The following FARSB variants were observed in gnomAD, a reference collection of about 807,000 sequenced individuals.
FARSB encodes phenylalanyl-tRNA synthetase subunit beta.
In FARSB, 40 loss-of-function variants were observed where a neutral mutation model predicts 69.6. The observed-to-expected ratio is 0.57, with a 90% CI of 0.45 to 0.75. The LOEUF (loss-of-function observed/expected upper bound fraction) is 0.75, where lower values mean the gene tolerates loss of function less well. Ranked by LOEUF, FARSB falls within the 30% of genes least tolerant of loss-of-function variation. The pLI, the probability that FARSB is intolerant of heterozygous loss-of-function variation, is 0.00. For synonymous variants in FARSB, 235 were observed against 247.2 expected, an observed-to-expected ratio of 0.95 and a Z score of 0.46; for missense variants, 632 against 722.9, an observed-to-expected ratio of 0.87 and a Z score of 1.44.
intron 2 of FARSB, among the ~76,000 whole-genome samples, chr2:222,644,026 T>C (rs1376824728): frequency 6.6e-6 from 1 of 152,242 alleles, no homozygotes; most frequent in Non-Finnish European, 1.5e-5. Flanking sequence ...AAACTCCACT[T>C]AACCAGAATT....
Position 222,656,066 on chromosome 2 carries a change from G to T in FARSB, c.8C>A (p.Thr3Asn). 6.3e-7 allele frequency: 1 copy of T among 1,596,534 alleles called. No homozygotes were observed. Residue 3 changes from threonine (T) to asparagine (N), a missense_variant, in exon 1 of 17, where the codon ACT becomes AAT. Coordinates refer to ENST00000281828, the MANE Select transcript of FARSB (RefSeq NM_005687.5). MPTVSVKRDLLFQ... is the reference protein window; with the variant it reads MPNVSVKRDLLFQ... ...GAGCAGATCACGCTTCACGCTGACAGTCGGCATGGTGTGTCGAACTCACTG... is the reference window on the plus strand; with the variant it reads ...GAGCAGATCACGCTTCACGCTGACATTCGGCATGGTGTGTCGAACTCACTG...
intron 16 of FARSB, among the ~76,000 whole-genome samples, chr2:222,596,331 G>C (rs1460450484): frequency 1.3e-5 from 2 of 152,164 alleles, no homozygotes; most frequent in African/African-American, 4.8e-5. Context: ...CACGGAGCCA[G>C]GTTTCTCAAA....
intron 16 of FARSB, among the ~76,000 whole-genome samples, chr2:222,581,430 G>A (rs1015173940): frequency 1.2e-4 from 18 of 152,106 alleles, no homozygotes; most frequent in African/African-American, 4.1e-4. Flanking sequence ...CATCCCCACT[G>A]CCCCAAAAGT....
chr2:222,630,197 T>G (rs370583223), intron 8 of FARSB, 23 bp from the exon 9 acceptor site: 380 of 1,176,846 alleles, frequency 3.2e-4, no homozygotes, highest in Non-Finnish European at 4.5e-4. Flanking sequence ...GAAAAACAAA[T>G]ATAGTAATCT....
chr2:222,593,167 G>A (rs1290096440), intron 16 of FARSB, among the ~76,000 whole-genome samples: 2 of 152,116 alleles, frequency 1.3e-5, no homozygotes, highest in Admixed American at 6.5e-5. Context: ...TTTTCCACAG[G>A]GGCGGAACTG....
Position 222,570,711 on chromosome 2 carries a change from T to C in FARSB, c.*1160A>G, listed in dbSNP as rs1219825839. 1 of 151,966 alleles carries C rather than the reference T, an allele frequency of 6.6e-6. No individual in the cohort carries two copies. Among genetic ancestry groups the C allele is most frequent in the Admixed American group, 6.6e-5 (1 of 15,238 alleles). 9.4% of individuals were successfully genotyped at this position (151,966 alleles called of 1,614,324 possible). On this transcript the variant is annotated 3_prime_UTR_variant, in exon 17 of 17. Coordinates refer to ENST00000281828, the MANE Select transcript of FARSB (RefSeq NM_005687.5). ...CTAATTTTTATATTTTTAGTGGAGA[T>C]GGCATTTCACCATGTTGGTCAGGCT...
In FARSB at chr2:222,571,820, G is replaced by A; in HGVS notation, c.*51C>T. On this transcript the variant is annotated 3_prime_UTR_variant, in exon 17 of 17. Transcript: ENST00000281828. ...GTGGAGGAGGACTTAAGGACACTAG[G>A]GGAGGAGAAAGGGACACCTGGGAAG... The A allele has an allele frequency of 6.6e-7, 1 of 1,515,862 alleles. No individual in the cohort carries two copies. Among genetic ancestry groups the A allele is most frequent in the Non-Finnish European group, 9.0e-7 (1 of 1,105,666 alleles). 93.9% of individuals were successfully genotyped at this position (1,515,862 alleles called of 1,614,324 possible). A position where few individuals can be genotyped will look rare whatever the true frequency, so the allele number is the denominator to read the frequency against.
intron 15 of FARSB, among the ~76,000 whole-genome samples, chr2:222,600,431 CAAAGG>C (rs1410144122): frequency 6.6e-6 from 1 of 152,058 alleles, no homozygotes; most frequent in African/African-American, 2.4e-5. Flanking sequence ...TAATACTACC[CAAAGG>C]AAATAATCCT....
intron 10 of FARSB, among the ~76,000 whole-genome samples, chr2:222,626,559 C>T (rs1410917291): frequency 6.6e-6 from 1 of 152,160 alleles, no homozygotes; most frequent in African/African-American, 2.4e-5. Flanking sequence ...CCAAAACACT[C>T]ATGCAGTACT....
intron 13 of FARSB, among the ~76,000 whole-genome samples, chr2:222,620,945 G>T (rs1251633649): frequency 1.3e-5 from 2 of 152,196 alleles, no homozygotes; most frequent in African/African-American, 4.8e-5. Context: ...GCCACATCCA[G>T]CCATAGCAGA....
chr2:222,653,435 A>G lies in FARSB; in HGVS notation c.58+2581T>C, dbSNP rs190486547. Among the ~76,000 whole-genome samples the G allele has an allele frequency of 4.6e-5, 7 of 152,242 alleles. No individual in the cohort carries two copies. In the East Asian group the frequency reaches 1.4e-3, roughly 29 times the overall value. On this transcript the variant is annotated intron_variant, in intron 1 of 16. Transcript: ENST00000281828. ...GAAAAAAAGAGGAAGACTGGGGAAAAAAAAAAAAGGTAAGAAACAAGATGT... is the reference window on the plus strand; with the variant it reads ...GAAAAAAAGAGGAAGACTGGGGAAAGAAAAAAAAGGTAAGAAACAAGATGT...
intron 16 of FARSB, among the ~76,000 whole-genome samples, chr2:222,596,799 G>A (rs1690429668): frequency 1.3e-5 from 2 of 152,016 alleles, no homozygotes. Flanking sequence ...GTGTGTACGT[G>A]TGTGTGTATT....
chr2:222,583,480 A>G lies in FARSB; in HGVS notation c.1619-11458T>C, dbSNP rs1574911806. On this transcript the variant is annotated intron_variant, in intron 16 of 16. Transcript: ENST00000281828. ...TCTACCATTCCTCCAAAGATGCCTA[A>G]CAGGAATTTAATTAGTGAAGAAACA... is the stretch of plus-strand genomic sequence containing the variant. Among the ~76,000 whole-genome samples, 8 of 152,276 alleles carry G rather than the reference A, an allele frequency of 5.3e-5. 2 individuals carry two copies. The highest frequency in any genetic ancestry group is 5.2e-4 in the Admixed American group (8 of 15,262).
chr2:222,631,173 C>A (rs184937652), intron 8 of FARSB, among the ~76,000 whole-genome samples: 4 of 149,832 alleles, frequency 2.7e-5, no homozygotes, highest in African/African-American at 5.0e-5. Flanking sequence ...GCTTCTTCAT[C>A]GCCAGTTCCT....
In FARSB at chr2:222,655,572, G is replaced by A. The variant is rs568240827; in HGVS notation, c.58+444C>T. ...GTGCCTGACACATAACAGGCGCTCA[G>A]GAAACATTAATAAAACGAAGACAGG... is the stretch of plus-strand genomic sequence containing the variant. On this transcript the variant is annotated intron_variant, in intron 1 of 16. Transcript: ENST00000281828. Among the ~76,000 whole-genome samples, 3 of 152,294 alleles carry A rather than the reference G, an allele frequency of 2.0e-5. No individual in the cohort carries two copies. In the South Asian group the frequency reaches 6.2e-4, roughly 32 times the overall value.
intron 16 of FARSB, among the ~76,000 whole-genome samples, chr2:222,589,077 A>AACTTCAAACTATACTACATGAT: frequency 2.0e-5 from 3 of 152,358 alleles, no homozygotes; most frequent in Non-Finnish European, 4.4e-5. Flanking sequence ...AAAAGAACAA[A>AACTTCAAACTATACTACATGAT]GCTAGAGGCA....
chr2:222,616,159 TTTC>T (rs1246000511), intron 14 of FARSB, among the ~76,000 whole-genome samples: 11 of 152,064 alleles, frequency 7.2e-5, no homozygotes, highest in Non-Finnish European at 1.6e-4. Context: ...AATGACTCAG[TTTC>T]TTCAACAAAC....
rs1388584231 is a variant in FARSB, at chr2:222,594,906, C to CT, written c.1618+5021dup. Among the ~76,000 whole-genome samples, 16 of 152,326 alleles carry CT rather than the reference C, an allele frequency of 1.1e-4. No homozygotes were observed. In the East Asian group the frequency reaches 3.1e-3, roughly 29 times the overall value. ...GGCTAAGTGACTCATGTGATGATTG[C>CT]TGAAGCTTCTATAAAAACAGTGCCT... On this transcript the variant is annotated intron_variant, in intron 16 of 16. Coordinates refer to ENST00000281828, the MANE Select transcript of FARSB (RefSeq NM_005687.5).
At chr2:222,630,255 T>A in intron 8 of FARSB, 81 bp from the exon 9 acceptor site, 1 of 733,716 alleles carries the variant, frequency 1.4e-6, no homozygotes, top group Admixed American at 2.9e-5. Context: ...ATATTTAATA[T>A]AATTGTGTCC....
Sources: allele counts gnomAD v4.1 joint callset (sites outside exome capture counted in the v4.1 genomes callset), GRCh38; gene constraint gnomAD v4.1.1; transcripts MANE v1.5; gene names NCBI Gene and HGNC (gene_info 2026-07-23, HGNC 2026-07-21).